The following CSMD1 variants were observed in gnomAD, a reference collection of about 807,000 sequenced individuals.
The protein encoded by CSMD1 is CUB and sushi domain-containing protein 1.
In CSMD1, 213 loss-of-function variants were observed where a neutral mutation model predicts 417.5. The observed-to-expected ratio is 0.51, with a 90% CI of 0.46 to 0.57. The LOEUF is 0.57. Among genes scored for constraint, CSMD1 ranks in the 20% least tolerant of loss-of-function variants. The pLI is 0.00. For synonymous variants in CSMD1, 2,862 were observed against 1,736.8 expected (o/e 1.65, Z -16.11); for missense variants, 6,923 against 4,529.7 (o/e 1.53, Z -15.17).
At chr8:4,274,544 C>A (rs185497900) in intron 3 of CSMD1, among the ~76,000 whole-genome samples, 1 of 151,988 alleles carries the variant, frequency 6.6e-6, no homozygotes, top group African/African-American at 2.4e-5. Flanking sequence ...AGTAAGAGGT[C>A]TGTGTTTATA....
chr8:4,208,719 G>A (rs1408281396), intron 3 of CSMD1, among the ~76,000 whole-genome samples: 4 of 152,020 alleles, frequency 2.6e-5, no homozygotes, highest in Admixed American at 2.6e-4. Flanking sequence ...GCAGAATTAA[G>A]GCAATAAAAA....
chr8:3,432,027 C>A (rs1814248876), intron 12 of CSMD1, among the ~76,000 whole-genome samples: 1 of 152,100 alleles, frequency 6.6e-6, no homozygotes, highest in South Asian at 2.1e-4. Flanking sequence ...CCATGTTCTG[C>A]TAAATTTTTG....
At chr8:4,065,041 A>G (rs186175345) in intron 3 of CSMD1, among the ~76,000 whole-genome samples, 1 of 152,342 alleles carries the variant, frequency 6.6e-6, no homozygotes, top group African/African-American at 2.4e-5. Context: ...TGAAATGATT[A>G]AAATGTGCTA....
rs559115450 is a variant in CSMD1, at chr8:4,857,982, T to C, written c.85+136350A>G. On this transcript the variant is annotated intron_variant, in intron 1 of 69. Coordinates refer to ENST00000635120, the MANE Select transcript of CSMD1 (RefSeq NM_033225.6). ...ACCAAAAAAGAGAATTTTAGACCAA[T>C]ATCTTTGATGAACATTGACGCAAAA... is the stretch of plus-strand genomic sequence containing the variant. Among the ~76,000 whole-genome samples the C allele has an allele frequency of 4.6e-5, 7 of 152,252 alleles. 1 individual carries two copies. Among genetic ancestry groups the C allele is most frequent in the African/African-American group, 1.4e-4 (6 of 41,548 alleles).
chr8:4,432,161 C>T (rs565607385), intron 2 of CSMD1, among the ~76,000 whole-genome samples: 65 of 152,234 alleles, frequency 4.3e-4, no homozygotes, highest in Non-Finnish European at 6.9e-4. Context: ...ATTATAAAAA[C>T]ATGATTGGCA....
intron 3 of CSMD1, among the ~76,000 whole-genome samples, chr8:4,261,068 C>T (rs1563352541): frequency 6.6e-6 from 1 of 152,188 alleles, no homozygotes; most frequent in Non-Finnish European, 1.5e-5. Context: ...ATTCCGGATA[C>T]CTTGTTTTGT....
chr8:3,066,656 A>T (rs981808927), intron 49 of CSMD1, among the ~76,000 whole-genome samples: 6 of 152,218 alleles, frequency 3.9e-5, no homozygotes, highest in African/African-American at 1.4e-4. Flanking sequence ...AAAACACAGG[A>T]CACAATCGTA....
intron 51 of CSMD1, among the ~76,000 whole-genome samples, chr8:3,019,210 GC>G (rs1431478725): frequency 1.3e-5 from 2 of 152,176 alleles, no homozygotes; most frequent in African/African-American, 4.8e-5. Context: ...GAGCCACTGT[GC>G]CTCGACCCAT....
chr8:4,597,627 T>C (rs1238934629), intron 2 of CSMD1, among the ~76,000 whole-genome samples: 1 of 152,180 alleles, frequency 6.6e-6, no homozygotes, highest in Non-Finnish European at 1.5e-5. Context: ...ACCAAAATTA[T>C]GTACTTGAGA....
intron 3 of CSMD1, among the ~76,000 whole-genome samples, chr8:4,117,078 C>A (rs1037354302): frequency 1.3e-5 from 2 of 151,826 alleles, no homozygotes; most frequent in African/African-American, 4.8e-5. Flanking sequence ...ATCTGGCCTC[C>A]TTTCTACTCC....
intron 1 of CSMD1, among the ~76,000 whole-genome samples, chr8:4,819,094 T>G (rs1347516048): frequency 6.6e-6 from 1 of 152,240 alleles, no homozygotes; most frequent in East Asian, 1.9e-4. Context: ...TGCATGTCAC[T>G]TGCTGCTATT....
rs1809498347 is a variant in CSMD1, at chr8:3,022,294, C to CGCAATCCCACAGCATCCGGAATGCACCT, written c.7856-3645_7856-3644insAGGTGCATTCCGGATGCTGTGGGATTGC. ...ACATCCAGAGCATCCGGAATGCACC[C>CGCAATCCCACAGCATCCGGAATGCACCT]GCAATCCCACAGCATCCGGAATGCA... On this transcript the variant is annotated intron_variant, in intron 51 of 69. Transcript: ENST00000635120. 2.1e-5 allele frequency among the ~76,000 whole-genome samples: 3 copies of CGCAATCCCACAGCATCCGGAATGCACCT among 142,604 alleles called. 1 individual carries two copies. Among genetic ancestry groups the CGCAATCCCACAGCATCCGGAATGCACCT allele is most frequent in the African/African-American group, 7.8e-5 (3 of 38,348 alleles). 93.6% of individuals were successfully genotyped at this position (142,604 alleles called of 152,430 possible).
intron 1 of CSMD1, among the ~76,000 whole-genome samples, chr8:4,897,457 G>C (rs796790628): frequency 2.0e-5 from 3 of 152,018 alleles, no homozygotes; most frequent in South Asian, 2.1e-4. Context: ...TTGCTGATGG[G>C]AATATCTTTA....
In CSMD1 at chr8:4,004,763, GA is replaced by G. The variant is rs763416457; in HGVS notation, c.611-6654del. 5.7e-3 allele frequency among the ~76,000 whole-genome samples: 859 copies of G among 152,008 alleles called. 3 individuals carry two copies. Among genetic ancestry groups the G allele is most frequent in the Middle Eastern group, 0.017 (5 of 294 alleles). On this transcript the variant is annotated intron_variant, in intron 4 of 69. Coordinates refer to ENST00000635120, the MANE Select transcript of CSMD1 (RefSeq NM_033225.6). ...TCTTTTTTTGTTTTGTTTTGTTTTT[GA>G]GATGGCGTCTCACTCTGTTGCCCAG...
chr8:4,703,192 A>G (rs1807695526), intron 1 of CSMD1, among the ~76,000 whole-genome samples: 1 of 152,332 alleles, frequency 6.6e-6, no homozygotes, highest in Middle Eastern at 3.4e-3. Context: ...TCTTTACAAA[A>G]TTCAGTGGAT....
At chr8:3,476,860 G>C (rs560922591) in intron 11 of CSMD1, among the ~76,000 whole-genome samples, 1 of 149,908 alleles carries the variant, frequency 6.7e-6, no homozygotes, top group African/African-American at 2.5e-5. Flanking sequence ...AGAGGTCGCA[G>C]TGAGCCAAGA....
intron 7 of CSMD1, among the ~76,000 whole-genome samples, chr8:3,698,424 T>C (rs1274991811): frequency 1.3e-5 from 2 of 152,228 alleles, no homozygotes; most frequent in African/African-American, 2.4e-5. Context: ...ATTAAGCCTT[T>C]ATACTACTGT....
chr8:3,145,727 G>A (rs957784965), intron 40 of CSMD1, among the ~76,000 whole-genome samples: 1 of 152,112 alleles, frequency 6.6e-6, no homozygotes, highest in Non-Finnish European at 1.5e-5. Flanking sequence ...CAAATAAAAG[G>A]ATTAAAATAA....
At chr8:4,769,977 C>T (rs1413790435) in intron 1 of CSMD1, among the ~76,000 whole-genome samples, 1 of 151,946 alleles carries the variant, frequency 6.6e-6, no homozygotes, top group Non-Finnish European at 1.5e-5. Flanking sequence ...AAAAGCTGGA[C>T]AGAAACTCTC....
Sources: gnomAD v4.1 joint callset for allele counts (sites outside exome capture counted in the v4.1 genomes callset) on GRCh38, gnomAD v4.1.1 for gene constraint, MANE v1.5 for transcripts, NCBI Gene and HGNC (gene_info 2026-07-23, HGNC 2026-07-21) for gene names.